MALRD1: variants seen among roughly 807,000 people sequenced by gnomAD.
The protein encoded by MALRD1 is MAM and LDL-receptor class A domain-containing protein 1.
A neutral mutation model predicts 242.1 loss-of-function variants in MALRD1; 247 were observed. The observed-to-expected ratio is 1.02, with a 90% CI of 0.92 to 1.13. The LOEUF is 1.13. Ranked by LOEUF, MALRD1 falls within the 50% of genes most tolerant of loss-of-function variation. The pLI is 0.00. For missense variants in MALRD1, 2,989 were observed against 2,533.1 expected, an observed-to-expected ratio of 1.18 and a Z score of -3.86; for synonymous variants, 995 against 866.6, an observed-to-expected ratio of 1.15 and a Z score of -2.60.
intron 36 of MALRD1, among the ~76,000 whole-genome samples, chr10:19,639,090 A>G (rs1210518482): frequency 1.3e-5 from 2 of 152,202 alleles, no homozygotes; most frequent in Admixed American, 1.3e-4. Flanking sequence ...GGCATGGTCC[A>G]AAAGTTCAGA....
intron 28 of MALRD1, among the ~76,000 whole-genome samples, chr10:19,410,367 G>A (rs190881467): frequency 2.0e-5 from 3 of 152,186 alleles, no homozygotes; most frequent in African/African-American, 7.2e-5. Flanking sequence ...CCTCAAGGCG[G>A]TCTTCATGAA....
At chr10:19,513,202 G>A (rs1332188973) in intron 31 of MALRD1, among the ~76,000 whole-genome samples, 1 of 152,060 alleles carries the variant, frequency 6.6e-6, no homozygotes, top group African/African-American at 2.4e-5. Context: ...CCTCATGAAC[G>A]GCATGGTGCT....
At chr10:19,135,227 T>C (rs559165692) in intron 9 of MALRD1, among the ~76,000 whole-genome samples, 91 of 152,300 alleles carry the variant, frequency 6.0e-4, no homozygotes, top group African/African-American at 1.7e-3. Flanking sequence ...GGATTTTGTC[T>C]CACTGCAGCT....
intron 12 of MALRD1, among the ~76,000 whole-genome samples, chr10:19,164,055 G>A (rs1834563247): frequency 1.3e-5 from 2 of 152,188 alleles, no homozygotes; most frequent in South Asian, 2.1e-4. Context: ...TGTAATTGCA[G>A]TTGAGAAACA....
chr10:19,306,546 A>G, intron 21 of MALRD1, among the ~76,000 whole-genome samples: 1 of 148,088 alleles, frequency 6.8e-6, no homozygotes, highest in Admixed American at 6.9e-5. Context: ...TGTGTATAGT[A>G]TATATATAGT....
chr10:19,700,522 C>CA (rs1564552173), intron 38 of MALRD1, among the ~76,000 whole-genome samples: 1 of 151,876 alleles, frequency 6.6e-6, no homozygotes, highest in Non-Finnish European at 1.5e-5. Context: ...TGAATAATTG[C>CA]AAAAAATAGG....
intron 34 of MALRD1, among the ~76,000 whole-genome samples, chr10:19,602,196 C>T (rs961983162): frequency 7.9e-5 from 9 of 113,256 alleles, no homozygotes; most frequent in Admixed American, 1.9e-4. Flanking sequence ...GTAGCATAGT[C>T]TTTTTTTTTT....
chr10:19,677,983 C>T (rs1819289), intron 36 of MALRD1, among the ~76,000 whole-genome samples: 1 of 151,856 alleles, frequency 6.6e-6, no homozygotes, highest in African/African-American at 2.4e-5. Flanking sequence ...GGTTGTAGAT[C>T]TGTGGTCTTA....
intron 19 of MALRD1, among the ~76,000 whole-genome samples, chr10:19,262,497 A>C (rs1313006469): frequency 6.6e-6 from 1 of 151,936 alleles, no homozygotes; most frequent in Non-Finnish European, 1.5e-5. Context: ...CTATACTAAA[A>C]ATACAAAAGT....
intron 36 of MALRD1, among the ~76,000 whole-genome samples, chr10:19,648,499 C>T (rs574999382): frequency 6.6e-6 from 1 of 152,102 alleles, no homozygotes; most frequent in African/African-American, 2.4e-5. Context: ...ACCATGCTTT[C>T]ACAAGTTTCA....
At chr10:19,238,542 A>AAT (rs1291289164) in intron 18 of MALRD1, among the ~76,000 whole-genome samples, 4 of 78,352 alleles carry the variant, frequency 5.1e-5, no homozygotes, top group South Asian at 3.3e-4. Context: ...CATTATATAT[A>AAT]ATATATAATG....
At chr10:19,372,916 A>G (rs1330704166) in intron 26 of MALRD1, among the ~76,000 whole-genome samples, 1 of 152,170 alleles carries the variant, frequency 6.6e-6, no homozygotes, top group Non-Finnish European at 1.5e-5. Flanking sequence ...CAAGACTACA[A>G]GATTACTAAT....
At chr10:19,732,769 G>GTAC (rs1835348996) in intron 39 of MALRD1, among the ~76,000 whole-genome samples, 1 of 151,926 alleles carries the variant, frequency 6.6e-6, no homozygotes, top group Non-Finnish European at 1.5e-5. Context: ...ATTCAGATTT[G>GTAC]TACTTCTCAG....
chr10:19,333,482 C>CT (rs915134398), intron 24 of MALRD1, among the ~76,000 whole-genome samples: 2 of 152,176 alleles, frequency 1.3e-5, no homozygotes, highest in South Asian at 2.1e-4. Context: ...TGATTTCATT[C>CT]TTTTTTATGA....
intron 31 of MALRD1, among the ~76,000 whole-genome samples, chr10:19,519,633 G>A (rs1236975396): frequency 6.6e-6 from 1 of 151,876 alleles, no homozygotes; most frequent in East Asian, 1.9e-4. Flanking sequence ...GTAGCCAGGT[G>A]TGTGCCTGTA....
chr10:19,599,090 G>A (rs1023356146), intron 34 of MALRD1, among the ~76,000 whole-genome samples: 12 of 152,116 alleles, frequency 7.9e-5, no homozygotes, highest in Non-Finnish European at 1.8e-4. Flanking sequence ...GGGAAATGTC[G>A]AAGAGGGAAA....
intron 21 of MALRD1, among the ~76,000 whole-genome samples, chr10:19,284,039 G>C (rs957760479): frequency 3.3e-5 from 5 of 152,148 alleles, no homozygotes; most frequent in African/African-American, 7.2e-5. Context: ...ATTTCTTTCT[G>C]AATGGAACAC....
At chr10:19,651,423 G>T (rs1290289693) in intron 36 of MALRD1, among the ~76,000 whole-genome samples, 2 of 152,046 alleles carry the variant, frequency 1.3e-5, no homozygotes, top group African/African-American at 4.8e-5. Flanking sequence ...GTAGGCCAAT[G>T]CATCCTACTT....
At chr10:19,081,795 A>G (rs1835499449) in intron 2 of MALRD1, among the ~76,000 whole-genome samples, 1 of 151,942 alleles carries the variant, frequency 6.6e-6, no homozygotes, top group Non-Finnish European at 1.5e-5. Flanking sequence ...AAAGAAAATC[A>G]TCCTTCTGAA....
Sources: gnomAD v4.1 joint callset for allele counts (sites outside exome capture counted in the v4.1 genomes callset) on GRCh38, gnomAD v4.1.1 for gene constraint, MANE v1.5 for transcripts, NCBI Gene and HGNC (gene_info 2026-07-23, HGNC 2026-07-21) for gene names.